The following KMT2C variants were observed in gnomAD, a reference collection of about 807,000 sequenced individuals.
KMT2C encodes lysine methyltransferase 2C.
KMT2C carries 88 observed loss-of-function variants against 507.9 expected under a neutral mutation model. The ratio of observed to expected loss-of-function variants is 0.17; its 90% CI spans 0.15 to 0.21. KMT2C has a LOEUF of 0.21. KMT2C is among the 10% of genes least tolerant of loss of function. The pLI is 1.00. For synonymous variants in KMT2C, 2,049 were observed against 2,080.8 expected, an observed-to-expected ratio of 0.98 and a Z score of 0.42; for missense variants, 4,954 against 5,957.8, an observed-to-expected ratio of 0.83 and a Z score of 5.55.
Position 152,148,471 on chromosome 7 carries a change from T to A in KMT2C, c.13456A>T (p.Thr4486Ser), listed in dbSNP as rs1340639296. ...RFRCTNIYHFTCAIKAQCMFF... is the reference protein window; with the variant it reads ...RFRCTNIYHFSCAIKAQCMFF... ...ATGCATTGTGCTTTAATGGCGCAAG[T>A]GAAGTGATAAATGTTGGTGCATCGA... Residue 4486 changes from threonine to serine, a missense_variant, in exon 52 of 59, where the codon ACT (threonine) becomes TCT (serine). By Grantham distance (58) the Thr-to-Ser change is moderately conservative. Around this residue, in one of 29 missense-constraint regions of KMT2C, gnomAD observed 221 missense variants for 304.7 expected, o/e 0.73. Transcript: ENST00000262189. The surrounding 1 kb of genome is among the most constrained non-coding windows in gnomAD (Gnocchi z 7.1). 6.2e-7 allele frequency: 1 copy of A among 1,614,252 alleles called. No homozygotes were observed. The highest frequency in any genetic ancestry group is 8.5e-7 in the Non-Finnish European group (1 of 1,180,044).
intron 3 of KMT2C, among the ~76,000 whole-genome samples, chr7:152,321,656 A>G (rs2096774110): frequency 6.6e-6 from 1 of 152,022 alleles, no homozygotes; most frequent in African/African-American, 2.4e-5. Context: ...AATTAATGTA[A>G]TAATCCCATT....
intron 37 of KMT2C, among the ~76,000 whole-genome samples, chr7:152,179,425 T>C (rs531773042): frequency 5.4e-4 from 83 of 152,314 alleles, no homozygotes; most frequent in African/African-American, 1.8e-3. Context: ...AACTGCATCA[T>C]TAAGGGTGCA....
intron 5 of KMT2C, 89 bp downstream of exon 5, chr7:152,311,709 G>C (rs576173735): frequency 1.1e-6 from 1 of 874,890 alleles, no homozygotes; most frequent in Non-Finnish European, 1.7e-6. Flanking sequence ...CTAGATGAAA[G>C]GTATTTATTA....
intron 1 of KMT2C, among the ~76,000 whole-genome samples, chr7:152,378,969 CT>C (rs1239204439): frequency 2.6e-5 from 4 of 152,092 alleles, no homozygotes; most frequent in Non-Finnish European, 4.4e-5. Context: ...AAGTTGTCCT[CT>C]TTCTCCCATC....
At chr7:152,235,255 T>C (rs1019273487) in intron 16 of KMT2C, among the ~76,000 whole-genome samples, 4 of 147,506 alleles carry the variant, frequency 2.7e-5, no homozygotes, top group African/African-American at 1.0e-4. Context: ...ATGTCAAATA[T>C]AGCTTATATC....
At chr7:152,372,646 G>T (rs2097301023) in intron 1 of KMT2C, among the ~76,000 whole-genome samples, 1 of 152,154 alleles carries the variant, frequency 6.6e-6, no homozygotes, top group Non-Finnish European at 1.5e-5. Context: ...GAGATCAGAG[G>T]TCAATTCATC....
chr7:152,278,198 C>T (rs1432770685), intron 6 of KMT2C, among the ~76,000 whole-genome samples: 1 of 152,178 alleles, frequency 6.6e-6, no homozygotes, highest in Non-Finnish European at 1.5e-5. Flanking sequence ...CATCTCCACC[C>T]CTCTCCTTTG....
chr7:152,330,153 AG>A (rs1159945663), intron 3 of KMT2C, among the ~76,000 whole-genome samples: 96 of 6,862 alleles, frequency 0.014, 1 homozygote, highest in East Asian at 0.019. Context: ...AAAAAAAGGG[AG>A]GGGGGGAGGG....
chr7:152,293,915 T>C (rs2096460222), intron 6 of KMT2C, among the ~76,000 whole-genome samples: 2 of 152,110 alleles, frequency 1.3e-5, no homozygotes, highest in Admixed American at 1.3e-4. Context: ...TGGAGTGCAG[T>C]GGTGCAATCT....
At chr7:152,296,806 C>G (rs763076105) in intron 6 of KMT2C, among the ~76,000 whole-genome samples, 8 of 151,546 alleles carry the variant, frequency 5.3e-5, no homozygotes, top group African/African-American at 1.9e-4. Flanking sequence ...TCACAGAGAC[C>G]GGATTATCGG....
At chr7:152,296,134 G>A (rs2096492881) in intron 6 of KMT2C, among the ~76,000 whole-genome samples, 1 of 150,688 alleles carries the variant, frequency 6.6e-6, no homozygotes, top group Admixed American at 6.6e-5. Context: ...AATGTTAAGA[G>A]GAATATGCCA....
At chr7:152,337,447 T>C (rs2096946620) in intron 2 of KMT2C, among the ~76,000 whole-genome samples, 1 of 152,218 alleles carries the variant, frequency 6.6e-6, no homozygotes, top group Non-Finnish European at 1.5e-5. Flanking sequence ...ATACCCTCTT[T>C]TAAACCTTTA....
At chr7:152,271,113 A>G (rs1205015047) in intron 7 of KMT2C, among the ~76,000 whole-genome samples, 1 of 152,194 alleles carries the variant, frequency 6.6e-6, no homozygotes, top group Non-Finnish European at 1.5e-5. Flanking sequence ...ACAAGGCACA[A>G]TGTTATGTGA....
intron 2 of KMT2C, among the ~76,000 whole-genome samples, chr7:152,336,053 C>G (rs1222607219): frequency 1.3e-5 from 2 of 151,966 alleles, no homozygotes; most frequent in Admixed American, 1.3e-4. Flanking sequence ...GCCCATGATT[C>G]TAACTTGGAT....
chr7:152,336,408 T>C (rs925384612), intron 2 of KMT2C, among the ~76,000 whole-genome samples: 1 of 152,040 alleles, frequency 6.6e-6, no homozygotes, highest in Non-Finnish European at 1.5e-5. Flanking sequence ...CAGCAGAATG[T>C]GAAACAGACT....
chr7:152,398,789 T>C (rs1444611945), intron 1 of KMT2C, among the ~76,000 whole-genome samples: 1 of 152,190 alleles, frequency 6.6e-6, no homozygotes, highest in African/African-American at 2.4e-5. Flanking sequence ...CATCTTCTAA[T>C]CTTCCACATA....
At chr7:152,364,195 C>T (rs1205585876) in intron 1 of KMT2C, among the ~76,000 whole-genome samples, 1 of 152,100 alleles carries the variant, frequency 6.6e-6, no homozygotes, top group Non-Finnish European at 1.5e-5. Flanking sequence ...ATCCAATAAT[C>T]CAGCTATTAT....
intron 4 of KMT2C, 96 bp downstream of exon 4, chr7:152,315,042 A>T: frequency 2.8e-6 from 3 of 1,065,072 alleles, no homozygotes; most frequent in Non-Finnish European, 4.2e-6. Flanking sequence ...ACTGTTCAAC[A>T]AGAACAATCC....
chr7:152,331,642 A>ATTTT (rs34778581), intron 2 of KMT2C, among the ~76,000 whole-genome samples: 9 of 99,298 alleles, frequency 9.1e-5, no homozygotes, highest in South Asian at 3.2e-4. Flanking sequence ...CAACAAAAAG[A>ATTTT]TTTTTTTTTT....
Sources: allele counts gnomAD v4.1 joint callset (sites outside exome capture counted in the v4.1 genomes callset), GRCh38; gene constraint gnomAD v4.1.1; regional missense constraint gnomAD v4.1.1; non-coding constraint Gnocchi (gnomAD v3.1); transcripts MANE v1.5; gene names NCBI Gene and HGNC (gene_info 2026-07-23, HGNC 2026-07-21).